HYDIN: variants seen among roughly 807,000 people sequenced by gnomAD.
HYDIN encodes the protein axonemal central pair apparatus protein HYDIN.
In HYDIN, 132 loss-of-function variants were observed where a neutral mutation model predicts 403.9. That is an observed-to-expected ratio of 0.33 (90% confidence interval 0.28 to 0.38). The LOEUF (loss-of-function observed/expected upper bound fraction) is 0.38. Among genes scored for constraint, HYDIN ranks in the 10% least tolerant of loss-of-function variants. The pLI is 1.00. For missense variants in HYDIN, 2,827 were observed against 5,009.5 expected (o/e 0.56, Z 13.15); for synonymous variants, 1,202 against 1,891.7 (o/e 0.64, Z 9.46).
At chr16:70,991,230 G>A in intron 25 of HYDIN, 88 bp downstream of exon 25, 1 of 1,558,966 alleles carries the variant, frequency 6.4e-7, no homozygotes, top group Non-Finnish European at 8.8e-7. Context: ...CCCAAGCATT[G>A]TACTGGCCAC....
At chr16:71,005,296 C>CA (rs1355922649) in intron 23 of HYDIN, among the ~76,000 whole-genome samples, 2 of 152,108 alleles carry the variant, frequency 1.3e-5, no homozygotes, top group African/African-American at 4.8e-5. Context: ...CCACTAGCCA[C>CA]ATGTGGCCAA....
chr16:70,884,213 G>C, intron 58 of HYDIN, 89 bp from the exon 59 acceptor site: 1 of 1,230,896 alleles, frequency 8.1e-7, no homozygotes, highest in Non-Finnish European at 1.1e-6. Context: ...TGTGGAGAGG[G>C]GGAGGGACAC....
At chr16:71,161,298 A>G (rs1214823279) in intron 6 of HYDIN, among the ~76,000 whole-genome samples, 4 of 151,908 alleles carry the variant, frequency 2.6e-5, no homozygotes, top group Admixed American at 1.3e-4. Flanking sequence ...CGGTAATGCT[A>G]GTGATGGGGA....
chr16:70,819,910 C>T, intron 83 of HYDIN, among the ~76,000 whole-genome samples: 1 of 150,678 alleles, frequency 6.6e-6, no homozygotes, highest in East Asian at 2.0e-4. Flanking sequence ...CGGGTTCACG[C>T]CATTCTCCTG....
chr16:71,033,120 T>C (rs1047677334), intron 18 of HYDIN, among the ~76,000 whole-genome samples: 12 of 150,982 alleles, frequency 7.9e-5, no homozygotes, highest in Non-Finnish European at 1.6e-4. Context: ...TTGTGGGAAA[T>C]ACATAAACAC....
chr16:70,937,015 G>GA (rs1458750188), intron 44 of HYDIN, among the ~76,000 whole-genome samples: 1 of 151,568 alleles, frequency 6.6e-6, no homozygotes, highest in African/African-American at 2.4e-5. Flanking sequence ...ACAAGTGAGG[G>GA]AATGGTACTT....
At chr16:71,164,269 T>C (rs1363572347) in intron 5 of HYDIN, among the ~76,000 whole-genome samples, 1 of 55,938 alleles carries the variant, frequency 1.8e-5, no homozygotes, top group Non-Finnish European at 3.3e-5. Context: ...TAAAAAAAGC[T>C]CTTTTTGGGC....
At chr16:71,029,893 G>A (rs866704625) in intron 19 of HYDIN, among the ~76,000 whole-genome samples, 2 of 152,104 alleles carry the variant, frequency 1.3e-5, no homozygotes, top group East Asian at 1.9e-4. Context: ...CAGAAGGCAG[G>A]GGGAATACCT....
In HYDIN at chr16:70,974,684, T is replaced by C. The variant is rs1275177992; in HGVS notation, c.4773-14A>G. ...GGTAGCTGGATTCTGAAATGGTTAATAGACCTTACTAGTCACTTTCAAACC... is the reference window on the plus strand; with the variant it reads ...GGTAGCTGGATTCTGAAATGGTTAACAGACCTTACTAGTCACTTTCAAACC... On this transcript the variant is annotated splice_polypyrimidine_tract_variant and intron_variant, in intron 31 of 85. Coordinates refer to ENST00000393567, the MANE Select transcript of HYDIN (RefSeq NM_001270974.2). 2.8e-6 allele frequency: 3 copies of C among 1,064,104 alleles called. No individual in the cohort carries two copies. Among genetic ancestry groups the C allele is most frequent in the Admixed American group, 2.5e-5 (1 of 39,660 alleles). The allele number at this position is 1,064,104 out of a possible 1,614,324, so 65.9% of individuals were successfully genotyped here.
intron 14 of HYDIN, among the ~76,000 whole-genome samples, chr16:71,068,847 A>G (rs1484180535): frequency 6.6e-6 from 1 of 152,264 alleles, no homozygotes; most frequent in Admixed American, 6.5e-5. Flanking sequence ...TTCGGATTAC[A>G]AAGCTGAATA....
At chr16:70,851,299 T>C (rs1007756834) in intron 73 of HYDIN, among the ~76,000 whole-genome samples, 91 of 144,962 alleles carry the variant, frequency 6.3e-4, no homozygotes, top group African/African-American at 2.3e-3. Context: ...ACCTACAGAA[T>C]GGGAGGAATT....
At chr16:70,994,902 CA>C (rs2079479081) in intron 23 of HYDIN, among the ~76,000 whole-genome samples, 1 of 149,706 alleles carries the variant, frequency 6.7e-6, no homozygotes, top group East Asian at 2.0e-4. Flanking sequence ...AGCACTCACC[CA>C]TCCAGCCTTT....
intron 1 of HYDIN, among the ~76,000 whole-genome samples, chr16:71,205,540 G>C (rs2088251226): frequency 6.6e-6 from 1 of 152,234 alleles, no homozygotes. Flanking sequence ...TTGGGCCCCA[G>C]AGCAGACCAG....
At position 70,804,472 on chromosome 16, in the gene HYDIN, C is replaced by G. The variant is rs996274876; in HGVS notation, c.*3108G>C. Among the ~76,000 whole-genome samples, 1 of 152,184 alleles carries G rather than the reference C, an allele frequency of 6.6e-6. No homozygotes were observed. The highest frequency in any genetic ancestry group is 1.5e-5 in the Non-Finnish European group (1 of 68,030). On this transcript the variant is annotated 3_prime_UTR_variant, in exon 86 of 86. Transcript: ENST00000393567. ...TCCTGGAGGGTGAAGGGCTGAAAAA[C>G]CAGGTGACTGATTGGTTGGGTAAGA...
intron 18 of HYDIN, among the ~76,000 whole-genome samples, chr16:71,032,466 A>T (rs1597598225): frequency 6.6e-6 from 1 of 151,674 alleles, no homozygotes; most frequent in East Asian, 1.9e-4. Context: ...CCTCATCAGA[A>T]TTTCATTAGC....
At position 70,884,047 on chromosome 16, in the gene HYDIN, G is replaced by A. The variant is rs748265495; in HGVS notation, c.9852C>T (p.Asn3284=). The change falls in exon 59 of 86, where the codon AAC becomes AAT. Residue 3284 remains asparagine (N), a synonymous_variant. Coordinates refer to ENST00000393567, the MANE Select transcript of HYDIN (RefSeq NM_001270974.2). The stretch of plus-strand genomic sequence containing the variant: ...CCATGGCGTCAGCCACACAGTCAAC[G>A]TTGATGACCTGCTGTCCTCCGGAAG... ...SIPSGGQQVI[N]VDCVADAMGK... is the part of the protein sequence containing the mutation. The A allele has an allele frequency of 3.1e-6, 5 of 1,614,004 alleles. No homozygotes were observed. The highest frequency in any genetic ancestry group is 1.7e-5 in the Admixed American group (1 of 60,016).
At chr16:71,181,613 T>C (rs776594102) in intron 3 of HYDIN, among the ~76,000 whole-genome samples, 1 of 152,128 alleles carries the variant, frequency 6.6e-6, no homozygotes, top group African/African-American at 2.4e-5. Context: ...CAGTCTTAAC[T>C]ACATCATTTC....
chr16:70,866,647 A>T (rs1211345222), intron 66 of HYDIN, among the ~76,000 whole-genome samples: 1 of 152,180 alleles, frequency 6.6e-6, no homozygotes, highest in Non-Finnish European at 1.5e-5. Flanking sequence ...TTCCGGGAGG[A>T]AAGAGTTAAA....
At chr16:71,061,622 G>C (rs1210166621) in intron 17 of HYDIN, among the ~76,000 whole-genome samples, 1 of 151,914 alleles carries the variant, frequency 6.6e-6, no homozygotes, top group Non-Finnish European at 1.5e-5. Flanking sequence ...AGCTTGAGTA[G>C]GCTAATATGA....
Sources: allele counts gnomAD v4.1 joint callset (sites outside exome capture counted in the v4.1 genomes callset), GRCh38; gene constraint gnomAD v4.1.1; transcripts MANE v1.5; gene names NCBI Gene and HGNC (gene_info 2026-07-23, HGNC 2026-07-21).